Variants in PCDH7 observed in about 807,000 individuals in gnomAD.
The protein encoded by PCDH7 is protocadherin 7.
In PCDH7, 17 loss-of-function variants were observed where a neutral mutation model predicts 58.9. The observed-to-expected ratio is 0.29, with a 90% CI of 0.20 to 0.43. PCDH7 has a LOEUF of 0.43. Ranked by LOEUF, PCDH7 falls within the 20% of genes least tolerant of loss-of-function variation. PCDH7 has a pLI of 1.00. For missense variants in PCDH7, 1,274 were observed against 1,441.0 expected, an observed-to-expected ratio of 0.88 and a Z score of 1.88; for synonymous variants, 664 against 616.4, an observed-to-expected ratio of 1.08 and a Z score of -1.14.
At chr4:31,002,860 T>C (rs1752463043) in intron 3 of PCDH7, among the ~76,000 whole-genome samples, 1 of 152,310 alleles carries the variant, frequency 6.6e-6, no homozygotes, top group South Asian at 2.1e-4. Context: ...ATAATCATAA[T>C]TCCCCTGCTG....
intron 1 of PCDH7, among the ~76,000 whole-genome samples, chr4:30,841,883 T>C (rs1318064031): frequency 6.6e-6 from 1 of 152,124 alleles, no homozygotes; most frequent in African/African-American, 2.4e-5. Flanking sequence ...TCTCCTGAGT[T>C]GTCCATTGAG....
intron 3 of PCDH7, among the ~76,000 whole-genome samples, chr4:31,084,775 G>T (rs1712148121): frequency 8.9e-6 from 1 of 112,978 alleles, no homozygotes; most frequent in Non-Finnish European, 1.9e-5. Context: ...TGGGGAGGAG[G>T]GGGAGGGGAC....
intron 1 of PCDH7, among the ~76,000 whole-genome samples, chr4:30,900,698 T>C (rs989038719): frequency 1.3e-5 from 2 of 152,070 alleles, no homozygotes; most frequent in African/African-American, 4.8e-5. Flanking sequence ...ACATAAAAAA[T>C]GCTAAAAGGC....
rs114943422 is a variant in PCDH7, at chr4:31,096,873, A to G, written c.*8-45600A>G. 9.3e-3 allele frequency among the ~76,000 whole-genome samples: 1,409 copies of G among 151,998 alleles called. 17 individuals are homozygous for G. Among genetic ancestry groups the G allele is most frequent in the African/African-American group, 0.032 (1,335 of 41,412 alleles). On this transcript the variant is annotated intron_variant, in intron 3 of 3. Coordinates refer to the PCDH7 transcript ENST00000509759. ...AAGAGTATACTTTCTGTAAAAGTTC[A>G]TAATTGATTACTGTGAAAATACTAA...
At chr4:30,925,122 C>G (rs569121707) in intron 2 of PCDH7, among the ~76,000 whole-genome samples, 2 of 152,260 alleles carry the variant, frequency 1.3e-5, no homozygotes, top group East Asian at 3.9e-4. Flanking sequence ...CATTCCATTT[C>G]CTTCATCTCT....
intron 3 of PCDH7, among the ~76,000 whole-genome samples, chr4:30,960,426 T>C (rs1258712847): frequency 6.6e-6 from 1 of 152,188 alleles, no homozygotes; most frequent in East Asian, 1.9e-4. Context: ...AATGCTACCC[T>C]GTTTTATCAC....
intron 1 of PCDH7, among the ~76,000 whole-genome samples, chr4:30,836,820 T>C (rs1004163422): frequency 1.3e-5 from 2 of 152,130 alleles, no homozygotes; most frequent in African/African-American, 4.8e-5. Flanking sequence ...CCACCACGAA[T>C]ACACCCATTT....
chr4:31,013,790 T>C (rs1369635631), intron 3 of PCDH7, among the ~76,000 whole-genome samples: 1 of 152,104 alleles, frequency 6.6e-6, no homozygotes, highest in Non-Finnish European at 1.5e-5. Context: ...GGAATAACTC[T>C]AGCATTCTAT....
chr4:31,089,709 A>C (rs1418232154), intron 3 of PCDH7, among the ~76,000 whole-genome samples: 1 of 152,054 alleles, frequency 6.6e-6, no homozygotes, highest in Non-Finnish European at 1.5e-5. Context: ...TCCCTGTAAC[A>C]ATTTTCATTT....
chr4:30,946,768 C>G (rs567824528), intron 2 of PCDH7, among the ~76,000 whole-genome samples: 1 of 150,814 alleles, frequency 6.6e-6, no homozygotes, highest in Admixed American at 6.6e-5. Flanking sequence ...AGTGCAGTGG[C>G]ACGATCTTGG....
chr4:31,062,292 A>G (rs1235446439), intron 3 of PCDH7, among the ~76,000 whole-genome samples: 1 of 151,702 alleles, frequency 6.6e-6, no homozygotes, highest in African/African-American at 2.4e-5. Flanking sequence ...TTCTATCTCT[A>G]TTTCCAAGTC....
intron 1 of PCDH7, among the ~76,000 whole-genome samples, chr4:30,828,722 C>T (rs767777219): frequency 6.6e-6 from 1 of 152,046 alleles, no homozygotes; most frequent in Non-Finnish European, 1.5e-5. Context: ...TTTCTCTACT[C>T]GCAATATACA....
At position 30,955,510 on chromosome 4, in the gene PCDH7, TATTTTATTTTATTTC is replaced by T. The variant is rs947540948; in HGVS notation, c.*7+5325_*7+5339del. Among the ~76,000 whole-genome samples the T allele has an allele frequency of 3.6e-4, 54 of 151,482 alleles. No individual in the cohort carries two copies. The South Asian group carries it at 6.7e-3, about 19-fold the overall frequency. On this transcript the variant is annotated intron_variant, in intron 3 of 3. Coordinates refer to the PCDH7 transcript ENST00000509759. Reference sequence around the variant, plus strand: ...TTTATTTTATTATTGTATTTTATTTTATTTTATTTTATTTCATTTTATTTTATTTCATTTTATTTT... The same window carrying T: ...TTTATTTTATTATTGTATTTTATTTTATTTTATTTTATTTCATTTTATTTT...
chr4:31,030,964 T>C (rs1754861877), intron 3 of PCDH7, among the ~76,000 whole-genome samples: 1 of 152,166 alleles, frequency 6.6e-6, no homozygotes, highest in Non-Finnish European at 1.5e-5. Context: ...TTGAAGATAC[T>C]GAGGCAGAAA....
At position 30,723,055 on chromosome 4, in the gene PCDH7, C is replaced by G. The variant is rs775603248; in HGVS notation, c.1633C>G (p.Pro545Ala). 6.2e-7 allele frequency: 1 copy of G among 1,613,818 alleles called. No homozygotes were observed. Among genetic ancestry groups the G allele is most frequent in the Admixed American group, 1.7e-5 (1 of 60,012 alleles). Reference sequence around the variant, plus strand: ...CCAGTCGGTGGTGGAGGTTTACTTCCCTGAGAACAACATCCCGGGCGAGAG... The same window carrying G: ...CCAGTCGGTGGTGGAGGTTTACTTCGCTGAGAACAACATCCCGGGCGAGAG... Residue 545 changes from proline to alanine, a missense_variant, in exon 1 of 2, where the codon CCT becomes GCT. Physicochemically the swap from Pro to Ala is conservative, Grantham distance 27 (BLOSUM62 -1). Transcript: ENST00000361762. This position sits in a 1 kb window ranked among gnomAD's most constrained non-coding sequence, Gnocchi z 4.6.
intron 1 of PCDH7, among the ~76,000 whole-genome samples, chr4:30,827,772 G>GA (rs773409969): frequency 6.6e-6 from 1 of 151,986 alleles, no homozygotes. Context: ...GTATTCTCAA[G>GA]AAACATACAA....
At chr4:31,062,456 T>C (rs1356889354) in intron 3 of PCDH7, among the ~76,000 whole-genome samples, 1 of 151,824 alleles carries the variant, frequency 6.6e-6, no homozygotes, top group Non-Finnish European at 1.5e-5. Context: ...TATTTTGGCA[T>C]ACTTCTTATC....
chr4:30,737,388 C>T (rs769481381), downstream of PCDH7, among the ~76,000 whole-genome samples: 23 of 152,200 alleles, frequency 1.5e-4, no homozygotes, highest in South Asian at 4.2e-4. Context: ...TGCAGTGGCT[C>T]ACACCTGTAA....
intron 3 of PCDH7, among the ~76,000 whole-genome samples, chr4:31,083,795 C>T (rs1335462653): frequency 3.3e-5 from 5 of 152,178 alleles, no homozygotes. Flanking sequence ...AGTGTAACTA[C>T]CCTCAATGTA....
Sources: gnomAD v4.1 joint callset for allele counts (sites outside exome capture counted in the v4.1 genomes callset) on GRCh38, gnomAD v4.1.1 for gene constraint, Gnocchi (gnomAD v3.1) non-coding constraint, MANE v1.5 for transcripts, NCBI Gene and HGNC (gene_info 2026-07-23, HGNC 2026-07-21) for gene names.